Variants in LRP1B observed in about 807,000 individuals in gnomAD.
LRP1B encodes low-density lipoprotein receptor-related protein 1B.
Under a neutral mutation model 556.6 loss-of-function variants are expected in LRP1B, and 217 were observed. That is an observed-to-expected ratio of 0.39 (90% confidence interval 0.35 to 0.44). LRP1B has a LOEUF of 0.44. Ranked by LOEUF, LRP1B falls within the 20% of genes least tolerant of loss-of-function variation. The probability of loss-of-function intolerance (pLI) is 1.00; values close to 1 mark genes in which losing one functional copy is unlikely to be tolerated. For missense variants in LRP1B, 5,053 were observed against 5,620.8 expected (o/e 0.90, Z 3.23); for synonymous variants, 2,047 against 1,865.8 (o/e 1.10, Z -2.50).
chr2:141,111,870 C>G (rs1700760784), intron 7 of LRP1B, among the ~76,000 whole-genome samples: 1 of 151,828 alleles, frequency 6.6e-6, no homozygotes, highest in Middle Eastern at 3.4e-3. Context: ...ATGGTGAAAC[C>G]CCGTCTCTAC....
chr2:140,700,940 T>C (rs75668196), intron 40 of LRP1B, among the ~76,000 whole-genome samples: 5,915 of 152,160 alleles, frequency 0.039, 390 homozygotes, highest in African/African-American at 0.13. Flanking sequence ...TTTCATATAT[T>C]GTTCATTTAA....
intron 23 of LRP1B, among the ~76,000 whole-genome samples, chr2:140,895,523 C>T (rs143557941): frequency 0.01 from 1,598 of 152,236 alleles, 21 homozygotes; most frequent in African/African-American, 0.032. Context: ...AGGAGCAGAA[C>T]TCCGTGTGGC....
rs377596874 is a variant in LRP1B, at chr2:140,434,261, G to A, written c.10414+8243C>T. ...ATTTTTGTATTTTTAGTACAGACGGGGTTTCACCATGTTGACCAGGCTGGT... is the reference window on the plus strand; with the variant it reads ...ATTTTTGTATTTTTAGTACAGACGGAGTTTCACCATGTTGACCAGGCTGGT... On this transcript the variant is annotated intron_variant, in intron 66 of 90. Coordinates refer to ENST00000389484, the MANE Select transcript of LRP1B (RefSeq NM_018557.3). 4.3e-3 allele frequency among the ~76,000 whole-genome samples: 649 copies of A among 151,978 alleles called. 5 individuals carry two copies. The highest frequency in any genetic ancestry group is 0.017 in the South Asian group (84 of 4,810).
intron 43 of LRP1B, among the ~76,000 whole-genome samples, chr2:140,597,357 A>G (rs1682483861): frequency 6.6e-6 from 1 of 152,212 alleles, no homozygotes. Context: ...GGGGAAGTGC[A>G]AAATAGGTAT....
At position 141,187,718 on chromosome 2, in the gene LRP1B, T is replaced by C. The variant is rs1463986472; in HGVS notation, c.1013+703A>G. 2.0e-5 allele frequency among the ~76,000 whole-genome samples: 3 copies of C among 152,136 alleles called. No individual in the cohort carries two copies. In the East Asian group the frequency reaches 5.8e-4, roughly 30 times the overall value. ...ATCATATGAACAAAGATGATGGGAA[T>C]TTAAACATTTTATGACTATATTTTT... is the stretch of plus-strand genomic sequence containing the variant. On this transcript the variant is annotated intron_variant, in intron 7 of 90. Coordinates refer to ENST00000389484, the MANE Select transcript of LRP1B (RefSeq NM_018557.3).
At chr2:140,613,303 AATT>A (rs1170227929) in intron 41 of LRP1B, among the ~76,000 whole-genome samples, 2 of 142,626 alleles carry the variant, frequency 1.4e-5, no homozygotes, top group African/African-American at 5.1e-5. Context: ...ATATATATAA[AATT>A]ATATATAATT....
chr2:140,548,119 C>A (rs1342671568), intron 43 of LRP1B, among the ~76,000 whole-genome samples: 3 of 152,042 alleles, frequency 2.0e-5, no homozygotes, highest in African/African-American at 7.2e-5. Flanking sequence ...ACATAGTATT[C>A]ATTTAATTCT....
intron 18 of LRP1B, among the ~76,000 whole-genome samples, chr2:140,965,802 G>GT (rs1335277021): frequency 2.4e-5 from 1 of 41,238 alleles, no homozygotes; most frequent in Non-Finnish European, 5.5e-5. Context: ...AGAACATGCA[G>GT]TGTTTTTTTT....
At chr2:141,160,499 G>A (rs1249460) in intron 7 of LRP1B, among the ~76,000 whole-genome samples, 151,838 of 152,224 alleles carry the variant, frequency 1, 75,727 homozygotes, top group Middle Eastern at 1. Flanking sequence ...AAAAATGATC[G>A]AAATTTTCTT....
intron 7 of LRP1B, among the ~76,000 whole-genome samples, chr2:141,165,875 A>G (rs1412166213): frequency 6.6e-6 from 1 of 152,062 alleles, no homozygotes; most frequent in African/African-American, 2.4e-5. Context: ...TATTGTAGCT[A>G]TTAGAATGTT....
At chr2:141,928,597 T>C (rs1053710434) in intron 1 of LRP1B, among the ~76,000 whole-genome samples, 4 of 152,132 alleles carry the variant, frequency 2.6e-5, no homozygotes, top group Admixed American at 6.6e-5. Flanking sequence ...AACATATTGG[T>C]ATCTGATGGC....
intron 43 of LRP1B, among the ~76,000 whole-genome samples, chr2:140,572,916 A>G (rs1430072843): frequency 6.6e-6 from 1 of 151,938 alleles, no homozygotes; most frequent in African/African-American, 2.4e-5. Context: ...AGAAAGATAA[A>G]TATCACATGT....
chr2:140,549,568 G>T (rs1053853947), intron 43 of LRP1B, among the ~76,000 whole-genome samples: 12 of 152,194 alleles, frequency 7.9e-5, no homozygotes, highest in African/African-American at 2.9e-4. Context: ...GGAAAGTTGA[G>T]TAGCAGCACA....
chr2:141,344,805 G>A (rs1688187338), intron 3 of LRP1B, among the ~76,000 whole-genome samples: 1 of 152,100 alleles, frequency 6.6e-6, no homozygotes, highest in South Asian at 2.1e-4. Flanking sequence ...AATCATTTGT[G>A]AGAGACTAGT....
chr2:141,857,244 C>T (rs1698083098), intron 1 of LRP1B, among the ~76,000 whole-genome samples: 1 of 151,906 alleles, frequency 6.6e-6, no homozygotes, highest in Non-Finnish European at 1.5e-5. Flanking sequence ...TCCTTTCATC[C>T]CTAAGATATT....
At chr2:140,455,600 T>G (rs911206561) in intron 62 of LRP1B, among the ~76,000 whole-genome samples, 9 of 152,176 alleles carry the variant, frequency 5.9e-5, no homozygotes, top group Admixed American at 5.9e-4. Context: ...TTCTAATTGT[T>G]GTTATTTATG....
intron 2 of LRP1B, among the ~76,000 whole-genome samples, chr2:141,730,187 C>T (rs1368547740): frequency 2.0e-5 from 3 of 152,126 alleles, no homozygotes; most frequent in African/African-American, 7.2e-5. Flanking sequence ...AGTCCAGCCT[C>T]AGTCTCAGCC....
At chr2:140,794,052 A>G (rs1168057138) in intron 32 of LRP1B, among the ~76,000 whole-genome samples, 1 of 152,166 alleles carries the variant, frequency 6.6e-6, no homozygotes, top group Non-Finnish European at 1.5e-5. Context: ...TCAGTACATT[A>G]GAAATAAATC....
intron 20 of LRP1B, among the ~76,000 whole-genome samples, chr2:140,933,354 G>C (rs1366800): frequency 1.3e-5 from 2 of 152,154 alleles, no homozygotes; most frequent in South Asian, 2.1e-4. Context: ...CACAAAAGCA[G>C]GGACATGTCT....
Sources: allele counts gnomAD v4.1 joint callset (sites outside exome capture counted in the v4.1 genomes callset), GRCh38; gene constraint gnomAD v4.1.1; transcripts MANE v1.5; gene names NCBI Gene and HGNC (gene_info 2026-07-23, HGNC 2026-07-21).